CYSTM1: variants seen among roughly 807,000 people sequenced by gnomAD.
The protein encoded by CYSTM1 is cysteine-rich transmembrane module-containing protein 1.
A neutral mutation model predicts 13.1 loss-of-function variants in CYSTM1; 4 were observed. The observed-to-expected ratio is 0.31, with a 90% CI of 0.15 to 0.70. The LOEUF is 0.70. Among genes scored for constraint, CYSTM1 ranks in the 30% least tolerant of loss-of-function variants. The probability of loss-of-function intolerance (pLI) is 0.72; values close to 1 mark genes in which losing one functional copy is unlikely to be tolerated. For missense variants in CYSTM1, 96 were observed against 121.6 expected (o/e 0.79, Z 0.99); for synonymous variants, 36 against 42.7 (o/e 0.84, Z 0.62).
chr5:140,193,442 C>T (rs1764115949), intron 1 of CYSTM1, among the ~76,000 whole-genome samples: 1 of 152,138 alleles, frequency 6.6e-6, no homozygotes, highest in African/African-American at 2.4e-5. Flanking sequence ...GCCACCATGC[C>T]CGGCTAATTT....
intron 2 of CYSTM1, among the ~76,000 whole-genome samples, chr5:140,227,829 C>T (rs1361625576): frequency 1.3e-5 from 2 of 152,158 alleles, no homozygotes; most frequent in Non-Finnish European, 2.9e-5. Flanking sequence ...TGGAATCAGA[C>T]GAGCCTGGAT....
intron 1 of CYSTM1, among the ~76,000 whole-genome samples, chr5:140,178,881 C>T (rs1389876679): frequency 2.6e-5 from 4 of 152,000 alleles, no homozygotes; most frequent in Non-Finnish European, 5.9e-5. Flanking sequence ...GGATTACAGG[C>T]ATGAGCTACC....
At chr5:140,195,763 G>A (rs1352589841) in intron 2 of CYSTM1, among the ~76,000 whole-genome samples, 1 of 146,706 alleles carries the variant, frequency 6.8e-6, no homozygotes, top group Non-Finnish European at 1.5e-5. Flanking sequence ...TGCTTATTAT[G>A]GCCAGGCACA....
chr5:140,229,277 C>T (rs1187479504), intron 2 of CYSTM1, among the ~76,000 whole-genome samples: 1 of 152,112 alleles, frequency 6.6e-6, no homozygotes, highest in Non-Finnish European at 1.5e-5. Flanking sequence ...TCACTGCAAC[C>T]TTTACCTCCT....
At chr5:140,176,913 T>C (rs35290793) in intron 1 of CYSTM1, among the ~76,000 whole-genome samples, 34,923 of 151,330 alleles carry the variant, frequency 0.23, 4,046 homozygotes, top group African/African-American at 0.25. Flanking sequence ...ACTAAAAATA[T>C]AAAAAATAAG....
chr5:140,224,854 T>A (rs980862117), intron 2 of CYSTM1, among the ~76,000 whole-genome samples: 1 of 152,190 alleles, frequency 6.6e-6, no homozygotes, highest in African/African-American at 2.4e-5. Context: ...TTGTCTATGC[T>A]ATGGGAATAC....
intron 1 of CYSTM1, among the ~76,000 whole-genome samples, chr5:140,182,016 G>A (rs1402883305): frequency 6.6e-6 from 1 of 152,090 alleles, no homozygotes; most frequent in Non-Finnish European, 1.5e-5. Flanking sequence ...CATGATTTTT[G>A]TCTTATCTTT....
At chr5:140,212,244 A>T (rs1764376470) in intron 2 of CYSTM1, among the ~76,000 whole-genome samples, 1 of 152,188 alleles carries the variant, frequency 6.6e-6, no homozygotes, top group Non-Finnish European at 1.5e-5. Context: ...TGTCTTGGTC[A>T]ACAACAGGCC....
chr5:140,238,351 T>A (rs1764708882), intron 2 of CYSTM1, among the ~76,000 whole-genome samples: 1 of 152,312 alleles, frequency 6.6e-6, no homozygotes, highest in South Asian at 2.1e-4. Flanking sequence ...TTCTCCTATC[T>A]TACCCTTCAA....
At chr5:140,192,800 G>C (rs921673551) in intron 1 of CYSTM1, among the ~76,000 whole-genome samples, 1 of 152,218 alleles carries the variant, frequency 6.6e-6, no homozygotes, top group Non-Finnish European at 1.5e-5. Context: ...AAAAAGTGGA[G>C]AGAGTGACCC....
chr5:140,226,825 G>A (rs1764563316), intron 2 of CYSTM1, among the ~76,000 whole-genome samples: 1 of 150,906 alleles, frequency 6.6e-6, no homozygotes, highest in East Asian at 1.9e-4. Context: ...TGAGCCCAGT[G>A]ACAGTACTGC....
intron 2 of CYSTM1, among the ~76,000 whole-genome samples, chr5:140,211,376 C>G (rs559067568): frequency 6.6e-6 from 1 of 152,352 alleles, no homozygotes; most frequent in East Asian, 1.9e-4. Flanking sequence ...ATTTTCTGAG[C>G]ACCTACTGAA....
intron 2 of CYSTM1, among the ~76,000 whole-genome samples, chr5:140,241,972 G>T (rs1392091189): frequency 6.6e-6 from 1 of 152,276 alleles, no homozygotes; most frequent in Non-Finnish European, 1.5e-5. Flanking sequence ...ACATGTGCTT[G>T]AACGAGAGAC....
At chr5:140,189,500 G>C (rs1399811140) in intron 1 of CYSTM1, among the ~76,000 whole-genome samples, 2 of 152,140 alleles carry the variant, frequency 1.3e-5, no homozygotes, top group East Asian at 3.8e-4. Flanking sequence ...CCCAGCCTCA[G>C]TTAGTCCTTT....
chr5:140,190,592 A>T (rs1030496397), intron 1 of CYSTM1, among the ~76,000 whole-genome samples: 3 of 151,886 alleles, frequency 2.0e-5, no homozygotes, highest in African/African-American at 7.3e-5. Flanking sequence ...CTTGTAATTT[A>T]AAAAAAACAA....
rs1764121816 is a variant in CYSTM1, at chr5:140,193,922, CA to C, written c.-20-521del. 4.6e-5 allele frequency among the ~76,000 whole-genome samples: 7 copies of C among 152,204 alleles called. No homozygotes were observed. In the South Asian group the frequency reaches 1.4e-3, roughly 31 times the overall value. ...ATCCCCAGAGCAATGGTGATGGTTACAAACTTTGGTTGGTCATTGCTGCCAG... is the reference window on the plus strand; with the variant it reads ...ATCCCCAGAGCAATGGTGATGGTTACAACTTTGGTTGGTCATTGCTGCCAG... On this transcript the variant is annotated intron_variant, in intron 1 of 2. Transcript: ENST00000261811.
rs539229382 is a variant in CYSTM1 at position 140,230,864 on chromosome 5, C to T, written c.188-12441C>T. On this transcript the variant is annotated intron_variant, in intron 2 of 2. Transcript: ENST00000261811. The surrounding 1 kb of genome is among the most constrained non-coding windows in gnomAD (Gnocchi z 4.1). ...TAGAATATGAGCTAGAATCAGGAAT[C>T]TGGTGTGATGTGTACCCTCCTTCCA... Among the ~76,000 whole-genome samples, 1 of 152,348 alleles carries T rather than the reference C, an allele frequency of 6.6e-6. No individual in the cohort carries two copies. The highest frequency in any genetic ancestry group is 2.1e-4 in the South Asian group (1 of 4,826).
At chr5:140,228,868 C>G (rs1432313623) in intron 2 of CYSTM1, 1 of 398,738 alleles carries the variant, frequency 2.5e-6, no homozygotes. Context: ...CCCTACAGCC[C>G]TGCTACCTCC....
chr5:140,195,941 A>T (rs1204476967), intron 2 of CYSTM1, among the ~76,000 whole-genome samples: 1 of 151,512 alleles, frequency 6.6e-6, no homozygotes, highest in Non-Finnish European at 1.5e-5. Context: ...GCTACTCAGG[A>T]GGCTGAGGCA....
Sources: gnomAD v4.1 joint callset for allele counts (sites outside exome capture counted in the v4.1 genomes callset) on GRCh38, gnomAD v4.1.1 for gene constraint, Gnocchi (gnomAD v3.1) non-coding constraint, MANE v1.5 for transcripts, NCBI Gene and HGNC (gene_info 2026-07-23, HGNC 2026-07-21) for gene names.